Variants in AGBL1 observed in about 807,000 individuals in gnomAD.
AGBL1 encodes cytosolic carboxypeptidase 4.
AGBL1 carries 130 observed loss-of-function variants against 118.9 expected under a neutral mutation model. The ratio of observed to expected loss-of-function variants is 1.09; its 90% CI spans 0.95 to 1.26. The LOEUF (loss-of-function observed/expected upper bound fraction) is 1.26, where lower values mean the gene tolerates loss of function less well. Ranked by LOEUF, AGBL1 falls within the 50% of genes most tolerant of loss-of-function variation. The pLI is 0.00. For synonymous variants in AGBL1, 555 were observed against 478.9 expected, an observed-to-expected ratio of 1.16 and a Z score of -2.08; for missense variants, 1,584 against 1,298.1, an observed-to-expected ratio of 1.22 and a Z score of -3.38.
chr15:86,315,573 C>A (rs1166390284), intron 17 of AGBL1, among the ~76,000 whole-genome samples: 11 of 151,752 alleles, frequency 7.2e-5, no homozygotes, highest in Admixed American at 7.2e-4. Flanking sequence ...AAAAAACTAG[C>A]CGAGTGAGGT....
At chr15:86,166,901 C>A (rs1293647526) in intron 5 of AGBL1, among the ~76,000 whole-genome samples, 1 of 152,100 alleles carries the variant, frequency 6.6e-6, no homozygotes, top group Admixed American at 6.6e-5. Context: ...TGATGACGGT[C>A]CTCTACAGAA....
At chr15:86,726,329 G>A (rs1020492767) in intron 22 of AGBL1, among the ~76,000 whole-genome samples, 6 of 152,112 alleles carry the variant, frequency 3.9e-5, no homozygotes, top group Non-Finnish European at 8.8e-5. Context: ...GGCCAATTTG[G>A]GTTGCCAATA....
intron 21 of AGBL1, among the ~76,000 whole-genome samples, chr15:86,580,377 A>G (rs1239880345): frequency 2.0e-5 from 3 of 152,064 alleles, no homozygotes; most frequent in Non-Finnish European, 4.4e-5. Context: ...ATGTATACAT[A>G]TATATATATT....
chr15:86,510,339 G>A (rs1456572377), intron 18 of AGBL1, among the ~76,000 whole-genome samples: 5 of 94,120 alleles, frequency 5.3e-5, no homozygotes, highest in East Asian at 1.1e-3. Context: ...CTCATCAGGG[G>A]AATTCCTTCA....
At chr15:86,767,962 T>C (rs1025248297) in intron 22 of AGBL1, among the ~76,000 whole-genome samples, 2 of 151,924 alleles carry the variant, frequency 1.3e-5, no homozygotes, top group African/African-American at 2.4e-5. Context: ...AAACCGTGAG[T>C]TGAGTAGAAT....
At chr15:86,676,551 T>G (rs2085850969) in intron 22 of AGBL1, among the ~76,000 whole-genome samples, 1 of 142,336 alleles carries the variant, frequency 7.0e-6, no homozygotes, top group South Asian at 2.3e-4. Context: ...GATATAATAA[T>G]CAGCAGAGTG....
chr15:86,651,203 C>A (rs1185378438), intron 21 of AGBL1, among the ~76,000 whole-genome samples: 1 of 152,106 alleles, frequency 6.6e-6, no homozygotes, highest in Non-Finnish European at 1.5e-5. Context: ...TGGTGAGGCC[C>A]AGGATTATTC....
chr15:86,842,018 A>T (rs1317202001), intron 22 of AGBL1, among the ~76,000 whole-genome samples: 4 of 152,134 alleles, frequency 2.6e-5, no homozygotes, highest in African/African-American at 9.7e-5. Flanking sequence ...GACAATGAAG[A>T]CAAGGCACAT....
intron 24 of AGBL1, among the ~76,000 whole-genome samples, chr15:87,019,870 T>C (rs2081644527): frequency 6.6e-6 from 1 of 151,878 alleles, no homozygotes; most frequent in South Asian, 2.1e-4. Flanking sequence ...GATATACCAC[T>C]AGTTAGACTA....
In AGBL1 at chr15:86,268,356, T is replaced by C. The variant is rs1056544243; in HGVS notation, c.1838+1280T>C. Among the ~76,000 whole-genome samples, 9 of 152,322 alleles carry C rather than the reference T, an allele frequency of 5.9e-5. 1 individual carries two copies. In the Middle Eastern group the frequency reaches 0.027, roughly 461 times the overall value. ...TTTGTGTTGTTGGCTTAGTTTCCAC[T>C]TCTTCCTGTGGCTCCTGCTTTTACT... is the stretch of plus-strand genomic sequence containing the variant. On this transcript the variant is annotated intron_variant, in intron 13 of 22. Transcript: ENST00000614907.
chr15:86,787,821 GT>G, intron 22 of AGBL1, among the ~76,000 whole-genome samples: 1 of 152,004 alleles, frequency 6.6e-6, no homozygotes, highest in Non-Finnish European at 1.5e-5. Context: ...GGTCACTTAG[GT>G]TTCTTCTTCC....
intron 24 of AGBL1, among the ~76,000 whole-genome samples, chr15:87,007,624 G>A (rs1567284352): frequency 6.6e-6 from 1 of 152,100 alleles, no homozygotes; most frequent in Non-Finnish European, 1.5e-5. Flanking sequence ...AAGTTGGGAG[G>A]GAAAATATAA....
intron 18 of AGBL1, among the ~76,000 whole-genome samples, chr15:86,424,218 C>T (rs1258811502): frequency 6.6e-6 from 1 of 152,148 alleles, no homozygotes; most frequent in African/African-American, 2.4e-5. Flanking sequence ...GAACAGAGGC[C>T]TCAGAAATAA....
At chr15:86,626,428 G>A (rs2447274) in intron 21 of AGBL1, among the ~76,000 whole-genome samples, 3 of 151,958 alleles carry the variant, frequency 2.0e-5, no homozygotes, top group Non-Finnish European at 4.4e-5. Flanking sequence ...AACACAGCAC[G>A]TTCTCACTTT....
At chr15:86,283,801 T>G (rs2079394942) in intron 16 of AGBL1, among the ~76,000 whole-genome samples, 2 of 152,142 alleles carry the variant, frequency 1.3e-5, no homozygotes, top group African/African-American at 4.8e-5. Flanking sequence ...GAAGCCAATA[T>G]GTGCATGAAT....
intron 5 of AGBL1, among the ~76,000 whole-genome samples, chr15:86,215,215 A>ATGTGTGTGTG (rs1457494719): frequency 3.3e-5 from 4 of 123,076 alleles, no homozygotes; most frequent in South Asian, 3.6e-4. Flanking sequence ...GTGTGAGTGT[A>ATGTGTGTGTG]TATGTATGCG....
intron 5 of AGBL1, among the ~76,000 whole-genome samples, chr15:86,203,462 C>T (rs966036706): frequency 1.3e-5 from 2 of 152,110 alleles, no homozygotes; most frequent in African/African-American, 4.8e-5. Context: ...TTTATAAATA[C>T]ACAGTATCTG....
chr15:86,966,681 T>A (rs1291876443), intron 23 of AGBL1, among the ~76,000 whole-genome samples: 2 of 152,178 alleles, frequency 1.3e-5, no homozygotes, highest in Admixed American at 6.6e-5. Flanking sequence ...CTGCATAGTA[T>A]TGCATGGTGT....
chr15:86,263,587 C>T (rs2079027563), intron 10 of AGBL1, among the ~76,000 whole-genome samples: 1 of 152,208 alleles, frequency 6.6e-6, no homozygotes, highest in Admixed American at 6.5e-5. Flanking sequence ...CAAAGTGGGA[C>T]CGTTGTCCTA....
Sources: allele counts gnomAD v4.1 joint callset (sites outside exome capture counted in the v4.1 genomes callset), GRCh38; gene constraint gnomAD v4.1.1; transcripts MANE v1.5; gene names NCBI Gene and HGNC (gene_info 2026-07-23, HGNC 2026-07-21).